Variants in REG4 observed in about 807,000 individuals in gnomAD.
The protein encoded by REG4 is regenerating family member 4.
In REG4, 16 loss-of-function variants were observed where a neutral mutation model predicts 22.3. The ratio of observed to expected loss-of-function variants is 0.72; its 90% confidence interval spans 0.49 to 1.09. The LOEUF (loss-of-function observed/expected upper bound fraction) is 1.09, where lower values mean the gene tolerates loss of function less well. REG4 is among the 50% of genes least tolerant of loss of function. The pLI is 0.00. For synonymous variants in REG4, 71 were observed against 69.2 expected (o/e 1.03, Z -0.13); for missense variants, 214 against 193.9 (o/e 1.10, Z -0.61).
In REG4 at chr1:119,798,554, A is replaced by G. The variant is rs746947158; in HGVS notation, c.352T>C (p.Trp118Arg). ...IDGAMYLYRS[W>R]SGKSMGGNKH... ...TTCCCACCCATGGACTTGCCAGACC[A>G]GGATCTGTACAGATACATGGCCCCA... The change falls in exon 5 of 6, where the codon TGG becomes CGG. Residue 118 changes from tryptophan (W) to arginine (R), a missense_variant. By Grantham distance (101) the Trp-to-Arg change is moderately radical (BLOSUM62 -3). Coordinates refer to ENST00000256585, the MANE Select transcript of REG4 (RefSeq NM_032044.4). 3 of 1,614,096 alleles carry G rather than the reference A, an allele frequency of 1.9e-6. No individual in the cohort carries two copies. The African/African-American group carries it at 4.0e-5, about 22-fold the overall frequency.
Position 119,794,398 on chromosome 1 carries a change from C to T in REG4, c.*220G>A. 2 of 626,100 alleles carry T rather than the reference C, an allele frequency of 3.2e-6. No individual in the cohort carries two copies. The highest frequency in any genetic ancestry group is 2.9e-6 in the Non-Finnish European group (1 of 343,630). 38.8% of individuals were successfully genotyped at this position (626,100 alleles called of 1,614,324 possible). A position where few individuals can be genotyped will look rare whatever the true frequency, so the allele number is the denominator to read the frequency against. ...GACAGGGGAGGAGGGAAGAAGGATA[C>T]TGTGGAAAGGGATGGCGGGGCAAAC... is the stretch of plus-strand genomic sequence containing the variant. On this transcript the variant is annotated 3_prime_UTR_variant, in exon 6 of 6. Transcript: ENST00000256585.
chr1:119,806,614 C>T (rs939900590), intron 2 of REG4, among the ~76,000 whole-genome samples: 6 of 152,146 alleles, frequency 3.9e-5, no homozygotes, highest in Non-Finnish European at 7.3e-5. Context: ...CTCACAGGGG[C>T]GAGTAACCTG....
chr1:119,799,629 G>T (rs1368378700), intron 4 of REG4, 96 bp downstream of exon 4: 7 of 1,479,400 alleles, frequency 4.7e-6, no homozygotes, highest in South Asian at 3.9e-5. Context: ...AGATCCACCC[G>T]CTGTGTCCTT....
intron 3 of REG4, chr1:119,801,713 G>A (rs191589709): frequency 1.3e-5 from 2 of 152,422 alleles, no homozygotes; most frequent in East Asian, 3.9e-4. Flanking sequence ...CAACACTGGC[G>A]AGGAATCAGG....
chr1:119,810,654 A>G (rs1310627276), intron 1 of REG4, among the ~76,000 whole-genome samples: 1 of 152,206 alleles, frequency 6.6e-6, no homozygotes, highest in Non-Finnish European at 1.5e-5. Context: ...TTCTCTGTCA[A>G]GGTGACCATC....
Position 119,808,764 on chromosome 1 carries a change from A to G in REG4, c.6T>C (p.Ala2=). M[A]SRSMRLLLLL... ...ATAGGAGCAGCCGCATGCTTCTGGAAGCCATCTTCCTCCTACCCTGAGGAT... is the reference window on the plus strand; with the variant it reads ...ATAGGAGCAGCCGCATGCTTCTGGAGGCCATCTTCCTCCTACCCTGAGGAT... The change falls in exon 2 of 6, where the codon GCT becomes GCC. Residue 2 remains alanine (A), a synonymous_variant. Transcript: ENST00000256585. 3 of 1,613,512 alleles carry G rather than the reference A, an allele frequency of 1.9e-6. No homozygotes were observed. Among genetic ancestry groups the G allele is most frequent in the Non-Finnish European group, 2.5e-6 (3 of 1,179,518 alleles).
rs762726740 is a variant in REG4, at chr1:119,808,760, T to C, written c.10A>G (p.Arg4Gly). The C allele has an allele frequency of 3.7e-6, 6 of 1,613,570 alleles. No individual in the cohort carries two copies. The highest frequency in any genetic ancestry group is 2.7e-5 in the African/African-American group (2 of 74,884). The stretch of plus-strand genomic sequence containing the variant: ...AGCAATAGGAGCAGCCGCATGCTTC[T>C]GGAAGCCATCTTCCTCCTACCCTGA... Reference protein sequence around the residue: MASRSMRLLLLLSC... With the variant: MASGSMRLLLLLSC... Residue 4 changes from arginine to glycine, a missense_variant, in exon 2 of 6, where the codon AGA becomes GGA. Physicochemically the swap from Arg to Gly is moderately radical, Grantham distance 125. Transcript: ENST00000256585.
chr1:119,796,040 G>C (rs1375898721), intron 5 of REG4, among the ~76,000 whole-genome samples: 1 of 152,224 alleles, frequency 6.6e-6, no homozygotes, highest in Non-Finnish European at 1.5e-5. Context: ...GGGTGACTGA[G>C]AAACCTTACT....
intron 3 of REG4, chr1:119,802,371 TTTTG>T (rs1458223006): frequency 1.4e-5 from 14 of 986,760 alleles, no homozygotes; most frequent in Non-Finnish European, 1.6e-5. Flanking sequence ...GTTCTTGTTT[TTTTG>T]TTTGTTTGTT....
At chr1:119,799,577 C>A in intron 4 of REG4, 148 bp downstream of exon 4, 1 of 994,652 alleles carries the variant, frequency 1.0e-6, no homozygotes, top group Non-Finnish European at 1.5e-6. Flanking sequence ...GGCCCCTGAC[C>A]TTGAGACTTT....
At chr1:119,794,732 A>AATG in intron 5 of REG4, 47 bp from the exon 6 acceptor site, 1 of 1,534,820 alleles carries the variant, frequency 6.5e-7, no homozygotes, top group Non-Finnish European at 9.0e-7. Flanking sequence ...TACTATACTG[A>AATG]GCTTGCCAGA....
chr1:119,810,134 A>T (rs1354065355), intron 1 of REG4, among the ~76,000 whole-genome samples: 6 of 151,922 alleles, frequency 3.9e-5, no homozygotes, highest in Admixed American at 3.9e-4. Flanking sequence ...CCATTCTGAA[A>T]TTTTCAAAAA....
chr1:119,808,428 A>G (rs182854658), intron 2 of REG4, among the ~76,000 whole-genome samples: 1 of 152,356 alleles, frequency 6.6e-6, no homozygotes, highest in Admixed American at 6.5e-5. Context: ...TTTCAAACAC[A>G]TTATCTCTGC....
rs587619359 is a variant in REG4, at chr1:119,810,562, C to A, written c.-95+847G>T. ...ACTTCTTTTTAAATCATTGCGTGAA[C>A]CTTGCACTTTGCTAAACTTTCCTTC... is the stretch of plus-strand genomic sequence containing the variant. On this transcript the variant is annotated intron_variant, in intron 1 of 5. Coordinates refer to ENST00000256585, the MANE Select transcript of REG4 (RefSeq NM_032044.4). Among the ~76,000 whole-genome samples the A allele has an allele frequency of 4.9e-4, 74 of 152,270 alleles. No individual in the cohort carries two copies. In the South Asian group the frequency reaches 0.013, roughly 26 times the overall value.
At chr1:119,799,995 C>A in intron 3 of REG4, 133 bp from the exon 4 acceptor site, 1 of 1,153,782 alleles carries the variant, frequency 8.7e-7, no homozygotes, top group Non-Finnish European at 1.2e-6. Context: ...CTCTAAGCCC[C>A]ACAGAAGGCT....
intron 2 of REG4, among the ~76,000 whole-genome samples, chr1:119,805,586 C>G (rs780647648): frequency 1.2e-4 from 18 of 151,902 alleles, no homozygotes; most frequent in Non-Finnish European, 2.4e-4. Context: ...AATCATGACT[C>G]TCTCTCTTCT....
chr1:119,803,149 G>T lies in REG4; in HGVS notation c.84C>A (p.Pro28=). The T allele has an allele frequency of 6.6e-7, 1 of 1,522,492 alleles. No individual in the cohort carries two copies. The highest frequency in any genetic ancestry group is 8.8e-7 in the Non-Finnish European group (1 of 1,137,512). 94.3% of individuals were successfully genotyped at this position (1,522,492 alleles called of 1,614,324 possible). A position where few individuals can be genotyped will look rare whatever the true frequency, so the allele number is the denominator to read the frequency against. ...TGVLGDIIMR[P]SCAPGWFYHK... ...GGTAAAACCATCCAGGAGCACAGCT[G>T]GGTCTCATGATGATATCTGCACATA... The change falls in exon 3 of 6, where the codon CCC becomes CCA. Residue 28 remains proline (P), a synonymous_variant. Transcript: ENST00000256585.
Position 119,794,491 on chromosome 1 carries a change from G to A in REG4, c.*127C>T. On this transcript the variant is annotated 3_prime_UTR_variant, in exon 6 of 6. Transcript: ENST00000256585. ...TGTCTCTAAGCCTAAAAAAGCCAGT[G>A]TAGTAGGGCCCTTATCACTCTTAGT... 5 of 855,526 alleles carry A rather than the reference G, an allele frequency of 5.8e-6. No homozygotes were observed. The highest frequency in any genetic ancestry group is 5.7e-5 in the South Asian group (4 of 70,228). 53.0% of individuals were successfully genotyped at this position (855,526 alleles called of 1,614,324 possible). A position where few individuals can be genotyped will look rare whatever the true frequency, so the allele number is the denominator to read the frequency against.
intron 5 of REG4, among the ~76,000 whole-genome samples, chr1:119,796,820 C>T (rs1206132137): frequency 2.6e-5 from 4 of 152,158 alleles, no homozygotes; most frequent in East Asian, 3.9e-4. Context: ...GAGGCAACTT[C>T]GCTACTGAAT....
Sources: gnomAD v4.1 joint callset for allele counts (sites outside exome capture counted in the v4.1 genomes callset) on GRCh38, gnomAD v4.1.1 for gene constraint, MANE v1.5 for transcripts, NCBI Gene and HGNC (gene_info 2026-07-23, HGNC 2026-07-21) for gene names.